CNTN3: variants seen among roughly 807,000 people sequenced by gnomAD.
CNTN3 encodes the protein contactin-3.
Under a neutral mutation model 119.1 loss-of-function variants are expected in CNTN3, and 60 were observed. The observed-to-expected ratio is 0.50, with a 90% CI of 0.41 to 0.62. The LOEUF (loss-of-function observed/expected upper bound fraction) is 0.62. Ranked by LOEUF, CNTN3 falls within the 20% of genes least tolerant of loss-of-function variation. CNTN3 has a pLI of 0.00. For missense variants in CNTN3, 1,101 were observed against 1,242.4 expected (o/e 0.89, Z 1.71); for synonymous variants, 450 against 438.7 (o/e 1.03, Z -0.32).
At chr3:74,344,703 C>T (rs1220838997) in intron 11 of CNTN3, among the ~76,000 whole-genome samples, 1 of 152,130 alleles carries the variant, frequency 6.6e-6, no homozygotes, top group Non-Finnish European at 1.5e-5. Flanking sequence ...TCGTGATCCG[C>T]CCGCCTCGGC....
chr3:74,517,537 T>C (rs897361149), intron 2 of CNTN3, among the ~76,000 whole-genome samples: 2 of 151,890 alleles, frequency 1.3e-5, no homozygotes, highest in African/African-American at 4.8e-5. Context: ...TTTATCAAAG[T>C]ATTACGGACC....
chr3:74,364,345 G>T, intron 10 of CNTN3, 122 bp downstream of exon 10: 3 of 891,852 alleles, frequency 3.4e-6, no homozygotes, highest in Non-Finnish European at 3.3e-6. Flanking sequence ...TGATCGTGTT[G>T]TAATACTGTA....
At chr3:74,611,062 T>C (rs951814121) in intron 1 of CNTN3, among the ~76,000 whole-genome samples, 1 of 152,104 alleles carries the variant, frequency 6.6e-6, no homozygotes, top group Non-Finnish European at 1.5e-5. Flanking sequence ...TTTTAGAACA[T>C]AGGAAATTTA....
chr3:74,280,845 T>C (rs1701991054), intron 20 of CNTN3, among the ~76,000 whole-genome samples: 1 of 152,042 alleles, frequency 6.6e-6, no homozygotes, highest in East Asian at 1.9e-4. Context: ...ATACAGTACA[T>C]GTGGTGGCTC....
rs9830022 is a variant in CNTN3, at chr3:74,534,249, T to A, written c.-80-13057A>T. Among the ~76,000 whole-genome samples the A allele has an allele frequency of 9.2e-5, 14 of 152,102 alleles. No homozygotes were observed. The East Asian group carries it at 2.5e-3, about 28-fold the overall frequency. On this transcript the variant is annotated intron_variant, in intron 1 of 22. Transcript: ENST00000263665. ...CAAATTAAAAGTAAACAGAATAGCA[T>A]GAGCCCCTTATGCCCATCACCCAAC... is the stretch of plus-strand genomic sequence containing the variant.
chr3:74,372,891 C>A (rs750980158), intron 5 of CNTN3, among the ~76,000 whole-genome samples: 2 of 152,028 alleles, frequency 1.3e-5, no homozygotes, highest in Non-Finnish European at 2.9e-5. Context: ...TGAGAAAAGG[C>A]CAGCAGAGAA....
chr3:74,582,320 G>A (rs574532437), intron 1 of CNTN3, among the ~76,000 whole-genome samples: 3 of 151,906 alleles, frequency 2.0e-5, no homozygotes, highest in South Asian at 2.1e-4. Context: ...GCAGGAGAAC[G>A]GCATGAACCC....
Position 74,365,709 on chromosome 3 carries a change from T to G in CNTN3, c.947-7A>C, listed in dbSNP as rs182676092. The G allele has an allele frequency of 6.3e-7, 1 of 1,593,272 alleles. No homozygotes were observed. Among genetic ancestry groups the G allele is most frequent in the African/African-American group, 1.4e-5 (1 of 73,784 alleles). On this transcript the variant is annotated splice_region_variant and splice_polypyrimidine_tract_variant and intron_variant, in intron 8 of 22. Coordinates refer to ENST00000263665, the MANE Select transcript of CNTN3 (RefSeq NM_020872.3). ...TGAACCCAATGGGGCTTTGCTTCAA[T>G]GAAAGAAAAGGAAAAAGAAAAGAAA...
chr3:74,331,996 T>C (rs1477525142), intron 13 of CNTN3, among the ~76,000 whole-genome samples: 1 of 152,236 alleles, frequency 6.6e-6, no homozygotes, highest in Non-Finnish European at 1.5e-5. Context: ...ATAGTTCCAA[T>C]AATTGGCTGA....
At chr3:74,318,612 C>G (rs372961885) in intron 13 of CNTN3, among the ~76,000 whole-genome samples, 6 of 152,034 alleles carry the variant, frequency 3.9e-5, no homozygotes, top group African/African-American at 7.3e-5. Flanking sequence ...CACTCCAGAC[C>G]CTGTTTGCCT....
chr3:74,416,571 T>G (rs887242979), intron 5 of CNTN3, among the ~76,000 whole-genome samples: 12 of 152,192 alleles, frequency 7.9e-5, no homozygotes, highest in African/African-American at 2.9e-4. Flanking sequence ...AAAAAGGTTT[T>G]CATTGTTACA....
chr3:74,420,861 T>C (rs551793083), intron 5 of CNTN3, among the ~76,000 whole-genome samples: 1 of 152,318 alleles, frequency 6.6e-6, no homozygotes, highest in African/African-American at 2.4e-5. Context: ...TCCCGAAGTG[T>C]AGCCCTAAAT....
At chr3:74,583,214 T>C (rs1483937518) in intron 1 of CNTN3, among the ~76,000 whole-genome samples, 1 of 152,016 alleles carries the variant, frequency 6.6e-6, no homozygotes, top group Non-Finnish European at 1.5e-5. Flanking sequence ...TGGTTCAGAG[T>C]GTGACCTCTG....
At chr3:74,437,685 TTA>T (rs1177366280) in intron 4 of CNTN3, among the ~76,000 whole-genome samples, 3 of 152,062 alleles carry the variant, frequency 2.0e-5, no homozygotes, top group African/African-American at 7.3e-5. Flanking sequence ...CTTCAAGTGT[TTA>T]TATATGTGTG....
rs544649715 is a variant in CNTN3 at position 74,365,456 on chromosome 3, A to G, written c.1083+110T>C. On this transcript the variant is annotated intron_variant, in intron 9 of 22. Coordinates refer to ENST00000263665, the MANE Select transcript of CNTN3 (RefSeq NM_020872.3). ...GAAGTAAAGGAAAGTGTGCAAACTC[A>G]ACAGTTTATTTTGGGACTAGGGACT... 2.0e-5 allele frequency: 28 copies of G among 1,383,394 alleles called. No homozygotes were observed. The African/African-American group carries it at 3.8e-4, about 19-fold the overall frequency. 85.7% of individuals were successfully genotyped at this position (1,383,394 alleles called of 1,614,324 possible).
intron 13 of CNTN3, among the ~76,000 whole-genome samples, chr3:74,308,862 T>C (rs1056878228): frequency 5.3e-5 from 8 of 152,128 alleles, no homozygotes; most frequent in Non-Finnish European, 1.0e-4. Context: ...AAAATGTATA[T>C]TTTTATCCTA....
At chr3:74,490,179 T>C (rs774179245) in intron 3 of CNTN3, among the ~76,000 whole-genome samples, 4 of 152,190 alleles carry the variant, frequency 2.6e-5, no homozygotes, top group Non-Finnish European at 5.9e-5. Flanking sequence ...TGACAGTAAA[T>C]CACAAGTGGG....
chr3:74,289,377 G>C (rs1235130856), intron 19 of CNTN3, among the ~76,000 whole-genome samples: 2 of 152,136 alleles, frequency 1.3e-5, no homozygotes, highest in Non-Finnish European at 2.9e-5. Context: ...AAACAGGCAA[G>C]CGGCAATGCA....
chr3:74,455,586 GAGTTTCC>G (rs1702252727), intron 4 of CNTN3, among the ~76,000 whole-genome samples: 1 of 152,038 alleles, frequency 6.6e-6, no homozygotes, highest in African/African-American at 2.4e-5. Flanking sequence ...CTCCTTTTTA[GAGTTTCC>G]AGTTTTTCTG....
Sources: gnomAD v4.1 joint callset for allele counts (sites outside exome capture counted in the v4.1 genomes callset) on GRCh38, gnomAD v4.1.1 for gene constraint, MANE v1.5 for transcripts, NCBI Gene and HGNC (gene_info 2026-07-23, HGNC 2026-07-21) for gene names.